PCDH9: variants seen among roughly 807,000 people sequenced by gnomAD.
The protein encoded by PCDH9 is protocadherin-9.
A neutral mutation model predicts 70.6 loss-of-function variants in PCDH9; 24 were observed. That is an observed-to-expected ratio of 0.34 (90% CI 0.25 to 0.48). The LOEUF is 0.48. Ranked by LOEUF, PCDH9 falls within the 20% of genes least tolerant of loss-of-function variation. PCDH9 has a pLI of 0.99. For missense variants in PCDH9, 1,281 were observed against 1,503.6 expected (o/e 0.85, Z 2.45); for synonymous variants, 562 against 558.5 (o/e 1.01, Z -0.09).
intron 4 of PCDH9, among the ~76,000 whole-genome samples, chr13:66,527,065 G>A (rs1960248087): frequency 6.6e-6 from 1 of 152,140 alleles, no homozygotes; most frequent in Non-Finnish European, 1.5e-5. Flanking sequence ...GTGTTGAGAT[G>A]CGAAAGCCAA....
chr13:66,873,964 C>T lies in PCDH9; in HGVS notation c.3138+29540G>A, dbSNP rs180879736. Among the ~76,000 whole-genome samples, 1,078 of 117,034 alleles carry T rather than the reference C, an allele frequency of 9.2e-3. 10 individuals are homozygous for T. Among genetic ancestry groups the T allele is most frequent in the African/African-American group, 0.032 (959 of 29,828 alleles). 76.8% of individuals were successfully genotyped at this position (117,034 alleles called of 152,430 possible). A position where few individuals can be genotyped will look rare whatever the true frequency, so the allele number is the denominator to read the frequency against. On this transcript the variant is annotated intron_variant, in intron 3 of 4. Transcript: ENST00000377865. Reference sequence around the variant, plus strand: ...TCTTTTTTTTTTTTTTATGAGATAGCGTCTCACTGTGTTAGCCAGGCTAGA... The same window carrying T: ...TCTTTTTTTTTTTTTTATGAGATAGTGTCTCACTGTGTTAGCCAGGCTAGA...
chr13:67,069,541 A>C (rs1458859078), intron 2 of PCDH9, among the ~76,000 whole-genome samples: 1 of 152,188 alleles, frequency 6.6e-6, no homozygotes, highest in Non-Finnish European at 1.5e-5. Flanking sequence ...CGTCAGCCTC[A>C]AAAGCATCAG....
intron 3 of PCDH9, among the ~76,000 whole-genome samples, chr13:66,687,009 G>T (rs542283134): frequency 6.6e-6 from 1 of 152,076 alleles, no homozygotes; most frequent in Admixed American, 6.6e-5. Context: ...AAGACATTTC[G>T]ATTTACCTTA....
At position 66,699,586 on chromosome 13, in the gene PCDH9, A is replaced by G. The variant is rs185476847; in HGVS notation, c.3139-68175T>C. On this transcript the variant is annotated intron_variant, in intron 3 of 4. Transcript: ENST00000377865. ...ATTAGAGTGATGCCACCACAATCCA[A>G]GAAACGCCATGGTTGGCCACAGCCA... 1.5e-4 allele frequency among the ~76,000 whole-genome samples: 23 copies of G among 152,272 alleles called. 1 individual carries two copies. Among genetic ancestry groups the G allele is most frequent in the Admixed American group, 1.4e-3 (21 of 15,302 alleles).
intron 4 of PCDH9, among the ~76,000 whole-genome samples, chr13:66,353,920 C>T (rs372879615): frequency 6.6e-6 from 1 of 152,178 alleles, no homozygotes; most frequent in African/African-American, 2.4e-5. Context: ...CACTAGGTGG[C>T]TAAATATTGT....
At chr13:67,197,734 G>A (rs1015694166) in intron 2 of PCDH9, among the ~76,000 whole-genome samples, 2 of 151,670 alleles carry the variant, frequency 1.3e-5, no homozygotes, top group Non-Finnish European at 2.9e-5. Flanking sequence ...CTGTTATATC[G>A]ATAACCATTT....
At chr13:67,098,841 A>C (rs1203480151) in intron 2 of PCDH9, among the ~76,000 whole-genome samples, 1 of 152,222 alleles carries the variant, frequency 6.6e-6, no homozygotes, top group Non-Finnish European at 1.5e-5. Context: ...GATATAGTAA[A>C]ATAGCAAAAA....
intron 3 of PCDH9, among the ~76,000 whole-genome samples, chr13:66,755,371 T>C (rs2079524111): frequency 6.6e-6 from 1 of 152,178 alleles, no homozygotes; most frequent in Non-Finnish European, 1.5e-5. Flanking sequence ...AGGACATAGT[T>C]GGAGAGCGAC....
chr13:66,727,297 C>A (rs1249541309), intron 3 of PCDH9, among the ~76,000 whole-genome samples: 1 of 152,000 alleles, frequency 6.6e-6, no homozygotes, highest in Non-Finnish European at 1.5e-5. Context: ...AAATTTTAAA[C>A]CCTTAATAAG....
chr13:66,639,450 T>G (rs1359754783), intron 3 of PCDH9, among the ~76,000 whole-genome samples: 1 of 152,244 alleles, frequency 6.6e-6, no homozygotes, highest in African/African-American at 2.4e-5. Context: ...CTCATATTAA[T>G]GTCATAAGGT....
At chr13:66,627,570 C>T (rs2077515409) in intron 4 of PCDH9, among the ~76,000 whole-genome samples, 1 of 152,164 alleles carries the variant, frequency 6.6e-6, no homozygotes, top group Non-Finnish European at 1.5e-5. Flanking sequence ...GAACTGCTGG[C>T]CTCTAGGGGC....
chr13:66,574,499 T>C (rs1376394503), intron 4 of PCDH9, among the ~76,000 whole-genome samples: 1 of 152,316 alleles, frequency 6.6e-6, no homozygotes, highest in East Asian at 1.9e-4. Flanking sequence ...ATGGAGTGCA[T>C]GTTCCTTAAT....
At chr13:66,973,843 C>T (rs1273973212) in intron 2 of PCDH9, among the ~76,000 whole-genome samples, 1 of 151,880 alleles carries the variant, frequency 6.6e-6, no homozygotes, top group Non-Finnish European at 1.5e-5. Flanking sequence ...GAGCCATTTC[C>T]CCAAGGTTTG....
intron 4 of PCDH9, among the ~76,000 whole-genome samples, chr13:66,493,786 G>A (rs1959071377): frequency 6.6e-6 from 1 of 152,052 alleles, no homozygotes; most frequent in South Asian, 2.1e-4. Context: ...AGCTCACTTT[G>A]TCAATACTTT....
intron 2 of PCDH9, among the ~76,000 whole-genome samples, chr13:67,185,842 C>G (rs934996151): frequency 6.6e-6 from 1 of 152,214 alleles, no homozygotes; most frequent in African/African-American, 2.4e-5. Context: ...AAGCAGTTCT[C>G]CTGCTTCGGC....
intron 4 of PCDH9, among the ~76,000 whole-genome samples, chr13:66,363,819 C>T (rs186430662): frequency 4.0e-4 from 60 of 151,262 alleles, no homozygotes; most frequent in African/African-American, 1.2e-3. Flanking sequence ...CACATTGAGA[C>T]TTGGGATAAT....
chr13:66,304,921 G>A lies in PCDH9; in HGVS notation c.3448C>T (p.Pro1150Ser), dbSNP rs377435544. The change falls in exon 5 of 5, where the codon CCA (proline) becomes TCA (serine). Residue 1150 changes from proline (P) to serine (S), a missense_variant. Pro to Ser is a moderately conservative substitution (Grantham distance 74). This residue lies in a region of PCDH9 where 264 missense variants were observed against 278.8 expected (regional missense o/e 0.95). Transcript: ENST00000377865. ...AGAGGAGATTTGGGGTGTTGATATG[G>A]ACCCAAGCCAGGAGGCATCCAGCAA... Reference protein sequence around the residue: ...DNCWMPPGLGPYQHPKSPLST... With the variant: ...DNCWMPPGLGSYQHPKSPLST... The A allele has an allele frequency of 1.2e-6, 2 of 1,613,346 alleles. No individual in the cohort carries two copies. The highest frequency in any genetic ancestry group is 2.7e-5 in the African/African-American group (2 of 74,798).
intron 3 of PCDH9, among the ~76,000 whole-genome samples, chr13:66,636,483 A>G (rs557995721): frequency 8.5e-5 from 13 of 152,260 alleles, no homozygotes; most frequent in African/African-American, 3.1e-4. Context: ...CACTAAGCCA[A>G]TTATTACCAA....
At chr13:66,610,138 T>G (rs2077274887) in intron 4 of PCDH9, among the ~76,000 whole-genome samples, 1 of 152,046 alleles carries the variant, frequency 6.6e-6, no homozygotes, top group Admixed American at 6.5e-5. Context: ...CTACCAGATC[T>G]TGTTCATCAT....
Sources: allele counts gnomAD v4.1 joint callset (sites outside exome capture counted in the v4.1 genomes callset), GRCh38; gene constraint gnomAD v4.1.1; regional missense constraint gnomAD v4.1.1; transcripts MANE v1.5; gene names NCBI Gene and HGNC (gene_info 2026-07-23, HGNC 2026-07-21).